CRACR2A: variants seen among roughly 807,000 people sequenced by gnomAD.
The protein encoded by CRACR2A is calcium release activated channel regulator 2A, also known as EF-hand calcium-binding domain-containing protein 4B.
A neutral mutation model predicts 90.5 loss-of-function variants in CRACR2A; 79 were observed. The ratio of observed to expected loss-of-function variants is 0.87; its 90% CI spans 0.73 to 1.05. CRACR2A has a LOEUF of 1.05. Among genes scored for constraint, CRACR2A ranks in the 50% least tolerant of loss-of-function variants. CRACR2A has a pLI of 0.00. For synonymous variants in CRACR2A, 338 were observed against 356.7 expected, an observed-to-expected ratio of 0.95 and a Z score of 0.59; for missense variants, 823 against 897.2, an observed-to-expected ratio of 0.92 and a Z score of 1.06.
rs577316750 is a variant in CRACR2A, at chr12:3,690,541, A to C, written c.228+6231T>G. On this transcript the variant is annotated intron_variant, in intron 4 of 19. Transcript: ENST00000440314. ...CTGACAGAGTGGTTGTTATGATTTC[A>C]GTTCTTTTGTATTTGCTGAGGAGTG... Among the ~76,000 whole-genome samples the C allele has an allele frequency of 5.3e-5, 8 of 152,188 alleles. No homozygotes were observed. In the East Asian group the frequency reaches 1.5e-3, roughly 29 times the overall value.
At chr12:3,616,326 G>A (rs1027002333) in intron 19 of CRACR2A, among the ~76,000 whole-genome samples, 1 of 152,262 alleles carries the variant, frequency 6.6e-6, no homozygotes, top group Non-Finnish European at 1.5e-5. Context: ...TAGATGGAAT[G>A]AAATGAAGGC....
chr12:3,703,403 C>T (rs1295135929), intron 3 of CRACR2A, among the ~76,000 whole-genome samples: 5 of 152,128 alleles, frequency 3.3e-5, no homozygotes, highest in African/African-American at 7.2e-5. Flanking sequence ...AATTTTAATT[C>T]GCACTTTGTA....
intron 8 of CRACR2A, among the ~76,000 whole-genome samples, chr12:3,656,930 AT>A (rs750287991): frequency 8.5e-5 from 13 of 152,148 alleles, no homozygotes; most frequent in Non-Finnish European, 1.3e-4. Flanking sequence ...AAGTGTTCAT[AT>A]TTGCCCACTG....
intron 1 of CRACR2A, among the ~76,000 whole-genome samples, chr12:3,740,063 C>T (rs142254205): frequency 3.3e-5 from 5 of 152,210 alleles, no homozygotes; most frequent in Admixed American, 2.6e-4. Context: ...CTGGTCCATC[C>T]GTACTGCAAA....
At chr12:3,655,678 CCAGCCATAGAGACA>C (rs1944890800) in intron 9 of CRACR2A, among the ~76,000 whole-genome samples, 1 of 152,160 alleles carries the variant, frequency 6.6e-6, no homozygotes, top group Admixed American at 6.5e-5. Context: ...CCAGGTACTC[CCAGCCATAGAGACA>C]CAGCCATATA....
intron 6 of CRACR2A, among the ~76,000 whole-genome samples, chr12:3,676,924 C>T (rs536786654): frequency 1.3e-5 from 2 of 152,312 alleles, no homozygotes; most frequent in African/African-American, 4.8e-5. Context: ...CCTCTTCCAA[C>T]ACTCTTTGAA....
At chr12:3,721,835 T>A (rs1319273518) in intron 2 of CRACR2A, among the ~76,000 whole-genome samples, 1 of 152,152 alleles carries the variant, frequency 6.6e-6, no homozygotes, top group African/African-American at 2.4e-5. Flanking sequence ...TCTGTGTTTA[T>A]GTTAACCCCC....
At chr12:3,708,874 A>C (rs1945970316) in intron 3 of CRACR2A, among the ~76,000 whole-genome samples, 1 of 152,206 alleles carries the variant, frequency 6.6e-6, no homozygotes. Flanking sequence ...CCAAACCTTC[A>C]AGTCTCCAGA....
chr12:3,702,944 TA>T (rs1945855345), intron 3 of CRACR2A, among the ~76,000 whole-genome samples: 1 of 152,080 alleles, frequency 6.6e-6, no homozygotes, highest in Non-Finnish European at 1.5e-5. Flanking sequence ...CACAAACAGA[TA>T]AATGGAACAG....
intron 4 of CRACR2A, among the ~76,000 whole-genome samples, chr12:3,688,077 T>C (rs969893856): frequency 3.3e-5 from 5 of 152,380 alleles, no homozygotes; most frequent in Admixed American, 3.3e-4. Flanking sequence ...TCCTTGTAGA[T>C]GCTGTATATT....
At chr12:3,745,548 C>CAGATCATTTGAGGT (rs1410222726) in intron 1 of CRACR2A, among the ~76,000 whole-genome samples, 1 of 151,918 alleles carries the variant, frequency 6.6e-6, no homozygotes, top group Non-Finnish European at 1.5e-5. Flanking sequence ...CCAAGGCAGG[C>CAGATCATTTGAGGT]AGATCATTTG....
chr12:3,696,905 G>A lies in CRACR2A; in HGVS notation c.95C>T (p.Pro32Leu), dbSNP rs1177034710. 3 of 1,614,224 alleles carry A rather than the reference G, an allele frequency of 1.9e-6. No homozygotes were observed. The highest frequency in any genetic ancestry group is 2.5e-6 in the Non-Finnish European group (3 of 1,180,044). ...GPKGSGACLH[P>L]LDSLEQKETQ... ...CTCCTTCTGCTCCAGGCTGTCCAGG[G>A]GATGCAGGCAGGCTCCACTCCCCTT... is the stretch of plus-strand genomic sequence containing the variant. Residue 32 changes from proline to leucine, a missense_variant, in exon 4 of 20, where the codon CCC (proline) becomes CTC (leucine). By Grantham distance (98) the Pro-to-Leu change is moderately conservative (BLOSUM62 -3). Coordinates refer to ENST00000440314, the MANE Select transcript of CRACR2A (RefSeq NM_001144958.2).
intron 3 of CRACR2A, among the ~76,000 whole-genome samples, chr12:3,697,882 A>G (rs1273258865): frequency 6.6e-6 from 1 of 152,178 alleles, no homozygotes; most frequent in African/African-American, 2.4e-5. Context: ...ACTTTTAAAG[A>G]CCCTGAAGGA....
chr12:3,745,722 G>A (rs899703699), intron 1 of CRACR2A, among the ~76,000 whole-genome samples: 4 of 148,634 alleles, frequency 2.7e-5, no homozygotes, highest in African/African-American at 1.0e-4. Context: ...AGGTTGCAGT[G>A]AGCCAAGATC....
intron 1 of CRACR2A, among the ~76,000 whole-genome samples, chr12:3,740,764 C>T (rs1407152232): frequency 6.6e-6 from 1 of 152,174 alleles, no homozygotes; most frequent in Non-Finnish European, 1.5e-5. Flanking sequence ...AGTCAAGTGC[C>T]TGGATTTGAA....
intron 8 of CRACR2A, among the ~76,000 whole-genome samples, chr12:3,657,832 G>T (rs1368545054): frequency 1.3e-5 from 2 of 152,118 alleles, no homozygotes; most frequent in Non-Finnish European, 2.9e-5. Context: ...GGGCGTTCAG[G>T]GGGTGTAGCA....
In CRACR2A at chr12:3,746,044, G is replaced by A. The variant is rs540436254; in HGVS notation, c.-387+6971C>T. Among the ~76,000 whole-genome samples the A allele has an allele frequency of 6.6e-5, 10 of 152,064 alleles. No individual in the cohort carries two copies. Among genetic ancestry groups the A allele is most frequent in the Admixed American group, 6.5e-4 (10 of 15,282 alleles). ...GGCTGTTCCTGTGCCTCAGGGCCCT[G>A]TGCTGTAAATGCTTCCCAGCCTGGG... On this transcript the variant is annotated intron_variant, in intron 1 of 19. Transcript: ENST00000440314. The surrounding 1 kb of genome is among the most constrained non-coding windows in gnomAD (Gnocchi z 4.4).
intron 13 of CRACR2A, 71 bp from the exon 14 acceptor site, chr12:3,638,525 CT>C: frequency 6.9e-7 from 1 of 1,444,020 alleles, no homozygotes; most frequent in East Asian, 2.5e-5. Flanking sequence ...TGCATAACAG[CT>C]TTTGTGACGA....
chr12:3,680,416 G>A, intron 4 of CRACR2A, 67 bp from the exon 5 acceptor site: 1 of 1,374,864 alleles, frequency 7.3e-7, no homozygotes, highest in Non-Finnish European at 1.0e-6. Context: ...ACCTGGGACT[G>A]CAGAGCCTTC....
Sources: allele counts gnomAD v4.1 joint callset (sites outside exome capture counted in the v4.1 genomes callset), GRCh38; gene constraint gnomAD v4.1.1; non-coding constraint Gnocchi (gnomAD v3.1); transcripts MANE v1.5; gene names NCBI Gene and HGNC (gene_info 2026-07-23, HGNC 2026-07-21).